The following SNTG1 variants were observed in gnomAD, a reference collection of about 807,000 sequenced individuals.
SNTG1 encodes gamma-1-syntrophin.
A neutral mutation model predicts 74.7 loss-of-function variants in SNTG1; 39 were observed. That is an observed-to-expected ratio of 0.52 (90% CI 0.40 to 0.68). SNTG1 has a LOEUF of 0.68. SNTG1 is among the 30% of genes least tolerant of loss of function. The probability of loss-of-function intolerance (pLI) is 0.00; values close to 1 mark genes in which losing one functional copy is unlikely to be tolerated. For missense variants in SNTG1, 685 were observed against 609.5 expected, an observed-to-expected ratio of 1.12 and a Z score of -1.30; for synonymous variants, 254 against 217.1, an observed-to-expected ratio of 1.17 and a Z score of -1.49.
At chr8:50,194,764 TCA>T (rs2083701770) in intron 2 of SNTG1, among the ~76,000 whole-genome samples, 1 of 152,104 alleles carries the variant, frequency 6.6e-6, no homozygotes, top group Non-Finnish European at 1.5e-5. Flanking sequence ...CCTTAGAATG[TCA>T]GTTTGTGCTC....
chr8:50,015,534 A>G (rs767451048), intron 1 of SNTG1, among the ~76,000 whole-genome samples: 1 of 152,126 alleles, frequency 6.6e-6, no homozygotes, highest in Non-Finnish European at 1.5e-5. Flanking sequence ...TAATGTACAC[A>G]TTCAAGATAC....
In SNTG1 at chr8:50,181,696, A is replaced by T. The variant is rs184254102; in HGVS notation, c.-28+9061A>T. ...TGTAATTGCTAGTATGCATAGAAAA[A>T]TGATGAGAAAATGAAGCAAAATTTA... On this transcript the variant is annotated intron_variant, in intron 2 of 18. Coordinates refer to ENST00000642720, the MANE Select transcript of SNTG1 (RefSeq NM_018967.5). 3.3e-5 allele frequency among the ~76,000 whole-genome samples: 5 copies of T among 152,326 alleles called. No individual in the cohort carries two copies. In the East Asian group the frequency reaches 9.6e-4, roughly 29 times the overall value.
intron 2 of SNTG1, among the ~76,000 whole-genome samples, chr8:50,258,916 C>CTGAT (rs2087015611): frequency 6.6e-6 from 1 of 151,962 alleles, no homozygotes; most frequent in Non-Finnish European, 1.5e-5. Context: ...TGCTCTAAAT[C>CTGAT]TGATTAAAAA....
At chr8:49,935,926 AT>A (rs1215079256) in intron 1 of SNTG1, among the ~76,000 whole-genome samples, 1 of 152,216 alleles carries the variant, frequency 6.6e-6, no homozygotes, top group East Asian at 1.9e-4. Flanking sequence ...CTCGGCTGCA[AT>A]ATCTGCGATC....
At chr8:50,679,276 T>C (rs2095322095) in intron 15 of SNTG1, among the ~76,000 whole-genome samples, 1 of 152,130 alleles carries the variant, frequency 6.6e-6, no homozygotes, top group African/African-American at 2.4e-5. Context: ...TTAACATGGA[T>C]TACTGAATTA....
In SNTG1 at chr8:50,322,773, T is replaced by C. The variant is rs529866620; in HGVS notation, c.-27-71439T>C. ...TAACTATATATTTTCAAATAGCCTGTCTTCAAGCTCACTAATTCTTTCTTC... is the reference window on the plus strand; with the variant it reads ...TAACTATATATTTTCAAATAGCCTGCCTTCAAGCTCACTAATTCTTTCTTC... On this transcript the variant is annotated intron_variant, in intron 2 of 18. Coordinates refer to ENST00000642720, the MANE Select transcript of SNTG1 (RefSeq NM_018967.5). 3.3e-5 allele frequency among the ~76,000 whole-genome samples: 5 copies of C among 152,122 alleles called. No homozygotes were observed. The South Asian group carries it at 1.0e-3, about 32-fold the overall frequency.
At chr8:50,249,217 C>A (rs183503033) in intron 2 of SNTG1, among the ~76,000 whole-genome samples, 40 of 152,288 alleles carry the variant, frequency 2.6e-4, no homozygotes, top group African/African-American at 9.1e-4. Flanking sequence ...GTGAAAATTG[C>A]TGGAAATCTG....
At chr8:50,443,827 TC>T (rs2093380509) in intron 5 of SNTG1, among the ~76,000 whole-genome samples, 1 of 152,170 alleles carries the variant, frequency 6.6e-6, no homozygotes, top group South Asian at 2.1e-4. Context: ...CTGTTTACTT[TC>T]TGGTTTATTT....
chr8:49,996,885 T>C (rs954383774), intron 1 of SNTG1, among the ~76,000 whole-genome samples: 4 of 152,142 alleles, frequency 2.6e-5, no homozygotes, highest in South Asian at 2.1e-4. Flanking sequence ...GGAATAATTA[T>C]AATTGCATAG....
chr8:50,725,792 C>T (rs996150377), intron 17 of SNTG1, among the ~76,000 whole-genome samples: 1 of 152,154 alleles, frequency 6.6e-6, no homozygotes, highest in Non-Finnish European at 1.5e-5. Flanking sequence ...CAGCAAGTAC[C>T]ATGTCTATTG....
chr8:50,765,280 T>C (rs2095610876), intron 18 of SNTG1, among the ~76,000 whole-genome samples: 1 of 152,046 alleles, frequency 6.6e-6, no homozygotes, highest in Non-Finnish European at 1.5e-5. Context: ...AATTATTGTA[T>C]AACAGTTTCT....
Position 50,783,056 on chromosome 8 carries a change from C to T in SNTG1, c.1396-9615C>T, listed in dbSNP as rs1212707980. 3.3e-5 allele frequency among the ~76,000 whole-genome samples: 5 copies of T among 152,256 alleles called. No homozygotes were observed. The South Asian group carries it at 8.3e-4, about 25-fold the overall frequency. ...CGCAAATGCTGCTGTCTGATCGTTC[C>T]TCTGATAGTTTTGTCTCAGAGGAGT... On this transcript the variant is annotated intron_variant, in intron 18 of 18. Transcript: ENST00000642720.
chr8:50,642,780 C>T (rs1438803321), intron 13 of SNTG1, among the ~76,000 whole-genome samples: 2 of 152,064 alleles, frequency 1.3e-5, no homozygotes, highest in African/African-American at 4.8e-5. Flanking sequence ...ATGGTTCCCC[C>T]TTAGGATTCT....
At chr8:49,992,110 T>A (rs939996453) in intron 1 of SNTG1, among the ~76,000 whole-genome samples, 1 of 152,226 alleles carries the variant, frequency 6.6e-6, no homozygotes. Flanking sequence ...TGGAAACTTA[T>A]ACATATCTGA....
At chr8:50,405,181 G>A (rs1434827509) in intron 4 of SNTG1, among the ~76,000 whole-genome samples, 1 of 151,994 alleles carries the variant, frequency 6.6e-6, no homozygotes, top group African/African-American at 2.4e-5. Flanking sequence ...TGAAATTGCT[G>A]GATAAAATAG....
intron 8 of SNTG1, among the ~76,000 whole-genome samples, chr8:50,466,389 C>T (rs1277134774): frequency 6.6e-6 from 1 of 151,912 alleles, no homozygotes. Context: ...TTTTTGTTCT[C>T]TTCCATTGAT....
At chr8:50,083,034 G>A (rs1348758546) in intron 1 of SNTG1, among the ~76,000 whole-genome samples, 3 of 152,156 alleles carry the variant, frequency 2.0e-5, no homozygotes, top group Admixed American at 2.0e-4. Context: ...GACAATAGGT[G>A]TAAAGCTGCT....
intron 8 of SNTG1, among the ~76,000 whole-genome samples, chr8:50,493,637 A>G (rs1215668470): frequency 6.6e-6 from 1 of 151,980 alleles, no homozygotes; most frequent in Non-Finnish European, 1.5e-5. Flanking sequence ...TGTACAAATT[A>G]TACAGAGTTT....
At chr8:50,042,336 C>A (rs62515378) in intron 1 of SNTG1, among the ~76,000 whole-genome samples, 1 of 152,122 alleles carries the variant, frequency 6.6e-6, no homozygotes, top group African/African-American at 2.4e-5. Context: ...GTAGGTCCTA[C>A]CCCTAATCCA....
Sources: allele counts gnomAD v4.1 joint callset (sites outside exome capture counted in the v4.1 genomes callset), GRCh38; gene constraint gnomAD v4.1.1; transcripts MANE v1.5; gene names NCBI Gene and HGNC (gene_info 2026-07-23, HGNC 2026-07-21).